The following RALYL variants were observed in gnomAD, a reference collection of about 807,000 sequenced individuals.
RALYL encodes RNA-binding Raly-like protein.
Under a neutral mutation model 35.1 loss-of-function variants are expected in RALYL, and 29 were observed. The ratio of observed to expected loss-of-function variants is 0.83; its 90% CI spans 0.61 to 1.13. RALYL has a LOEUF of 1.13. RALYL is among the 50% of genes most tolerant of loss of function. RALYL has a pLI of 0.00. For missense variants in RALYL, 359 were observed against 360.4 expected (o/e 1.00, Z 0.03); for synonymous variants, 120 against 127.6 (o/e 0.94, Z 0.40).
chr8:84,908,800 C>T (rs1195429587), intron 8 of RALYL, among the ~76,000 whole-genome samples: 2 of 151,874 alleles, frequency 1.3e-5, no homozygotes, highest in African/African-American at 4.8e-5. Flanking sequence ...TGCTGATCTG[C>T]ATTTCGTGCT....
At chr8:84,189,096 T>TG (rs1003563019) in intron 1 of RALYL, among the ~76,000 whole-genome samples, 32 of 152,094 alleles carry the variant, frequency 2.1e-4, no homozygotes, top group Admixed American at 1.4e-3. Flanking sequence ...ACTCCTCAGC[T>TG]GGGGGTCAAG....
intron 1 of RALYL, among the ~76,000 whole-genome samples, chr8:84,321,212 TAC>T (rs1205490965): frequency 6.6e-6 from 1 of 152,148 alleles, no homozygotes; most frequent in Non-Finnish European, 1.5e-5. Context: ...GAGTGGGACT[TAC>T]AGTCTTTGCT....
chr8:84,880,067 T>C (rs1191652219), intron 7 of RALYL, among the ~76,000 whole-genome samples: 1 of 152,140 alleles, frequency 6.6e-6, no homozygotes, highest in African/African-American at 2.4e-5. Context: ...GGAGGATATT[T>C]GGCCACCATC....
chr8:84,681,622 A>T (rs991830229), intron 2 of RALYL, among the ~76,000 whole-genome samples: 54 of 152,056 alleles, frequency 3.6e-4, no homozygotes, highest in Non-Finnish European at 7.1e-4. Flanking sequence ...ATGGGAGTTC[A>T]CTCATGATTT....
intron 1 of RALYL, among the ~76,000 whole-genome samples, chr8:84,479,668 A>G (rs1382422611): frequency 6.6e-6 from 1 of 152,192 alleles, no homozygotes; most frequent in Non-Finnish European, 1.5e-5. Context: ...TGCAGTGAGA[A>G]CACATACTCT....
At chr8:84,235,948 G>A (rs1826453210) in intron 1 of RALYL, among the ~76,000 whole-genome samples, 2 of 151,618 alleles carry the variant, frequency 1.3e-5, no homozygotes, top group Admixed American at 1.3e-4. Flanking sequence ...TGTATTTTTA[G>A]TAGAGACAGG....
intron 2 of RALYL, among the ~76,000 whole-genome samples, chr8:84,533,810 A>C (rs1436530252): frequency 6.6e-6 from 1 of 152,248 alleles, no homozygotes; most frequent in Non-Finnish European, 1.5e-5. Context: ...AATATACTTA[A>C]CTAGATCCTG....
At chr8:84,621,974 T>A (rs1314655198) in intron 2 of RALYL, among the ~76,000 whole-genome samples, 1 of 152,244 alleles carries the variant, frequency 6.6e-6, no homozygotes, top group Non-Finnish European at 1.5e-5. Flanking sequence ...AGGTGACATC[T>A]GCATAATTAT....
chr8:84,780,214 T>C (rs1297051927), intron 3 of RALYL, among the ~76,000 whole-genome samples: 4 of 151,938 alleles, frequency 2.6e-5, no homozygotes, highest in Non-Finnish European at 5.9e-5. Context: ...GGAAATATTT[T>C]CTCCTACCCG....
At chr8:84,829,780 C>G (rs73299278) in intron 4 of RALYL, among the ~76,000 whole-genome samples, 2,224 of 152,124 alleles carry the variant, frequency 0.015, 39 homozygotes, top group African/African-American at 0.051. Context: ...AAATAGAGGG[C>G]TAGATCCCTA....
At chr8:84,502,404 A>T (rs2056775695) in intron 1 of RALYL, among the ~76,000 whole-genome samples, 2 of 151,742 alleles carry the variant, frequency 1.3e-5, no homozygotes. Context: ...CCCTTGACCA[A>T]GTTCTTTTTA....
At position 84,750,789 on chromosome 8, in the gene RALYL, A is replaced by T. The variant is rs190930864; in HGVS notation, c.257-23790A>T. On this transcript the variant is annotated intron_variant, in intron 2 of 8. Coordinates refer to ENST00000521268, the MANE Select transcript of RALYL (RefSeq NM_173848.7). ...GGCCTGTACCACCTCAAGACTGTGC[A>T]TAGGGTCCCCACTAGCAAGAAGGCC... Among the ~76,000 whole-genome samples the T allele has an allele frequency of 7.2e-4, 109 of 152,246 alleles. 1 individual carries two copies. Among genetic ancestry groups the T allele is most frequent in the Admixed American group, 5.6e-3 (86 of 15,288 alleles).
At chr8:84,623,418 A>T (rs1822008645) in intron 2 of RALYL, among the ~76,000 whole-genome samples, 1 of 152,176 alleles carries the variant, frequency 6.6e-6, no homozygotes, top group Admixed American at 6.5e-5. Flanking sequence ...TGTGTTTATG[A>T]AATTAATAAA....
At chr8:84,337,329 G>GTT (rs769935600) in intron 1 of RALYL, among the ~76,000 whole-genome samples, 2 of 142,390 alleles carry the variant, frequency 1.4e-5, no homozygotes, top group African/African-American at 2.6e-5. Context: ...GGAATGAATT[G>GTT]TTTTTTTTTT....
chr8:84,548,752 T>G (rs943075974), intron 2 of RALYL, among the ~76,000 whole-genome samples: 1 of 152,222 alleles, frequency 6.6e-6, no homozygotes, highest in African/African-American at 2.4e-5. Context: ...TTACTGCTCT[T>G]TCTTCCTCAA....
intron 1 of RALYL, among the ~76,000 whole-genome samples, chr8:84,278,014 C>T (rs1835754280): frequency 6.6e-6 from 1 of 152,222 alleles, no homozygotes. Context: ...GGCAGTGCCC[C>T]AGAGGGCACC....
chr8:84,305,445 G>GA (rs1399347731), intron 1 of RALYL, among the ~76,000 whole-genome samples: 2 of 152,100 alleles, frequency 1.3e-5, no homozygotes, highest in African/African-American at 4.8e-5. Context: ...CTTAAGTTTG[G>GA]AAAAATAACG....
At chr8:84,398,871 G>A (rs1345060436) in intron 1 of RALYL, among the ~76,000 whole-genome samples, 4 of 151,918 alleles carry the variant, frequency 2.6e-5, no homozygotes, top group Non-Finnish European at 5.9e-5. Flanking sequence ...CTACTCGGGA[G>A]GCTGAGACAG....
chr8:84,314,462 T>C (rs1330715281), intron 1 of RALYL, among the ~76,000 whole-genome samples: 1 of 152,068 alleles, frequency 6.6e-6, no homozygotes, highest in African/African-American at 2.4e-5. Flanking sequence ...TGTATATTTA[T>C]GTATAAAAAT....
Sources: allele counts gnomAD v4.1 joint callset (sites outside exome capture counted in the v4.1 genomes callset), GRCh38; gene constraint gnomAD v4.1.1; transcripts MANE v1.5; gene names NCBI Gene and HGNC (gene_info 2026-07-23, HGNC 2026-07-21).